The following RCAN2 variants were observed in gnomAD, a reference collection of about 807,000 sequenced individuals.
RCAN2 encodes the protein calcipressin-2.
A neutral mutation model predicts 23.6 loss-of-function variants in RCAN2; 9 were observed. That is an observed-to-expected ratio of 0.38 (90% CI 0.23 to 0.67). The LOEUF (loss-of-function observed/expected upper bound fraction) is 0.67. RCAN2 is among the 30% of genes least tolerant of loss of function. The probability of loss-of-function intolerance (pLI) is 0.51; values close to 1 mark genes in which losing one functional copy is unlikely to be tolerated. For synonymous variants in RCAN2, 109 were observed against 115.7 expected (o/e 0.94, Z 0.37); for missense variants, 273 against 302.3 (o/e 0.90, Z 0.72).
At chr6:46,380,627 G>A (rs983018387) in intron 2 of RCAN2, among the ~76,000 whole-genome samples, 1 of 152,126 alleles carries the variant, frequency 6.6e-6, no homozygotes, top group African/African-American at 2.4e-5. Flanking sequence ...ACCCACAGCA[G>A]GTTAAGAACC....
Position 46,297,261 on chromosome 6 carries a change from G to T in RCAN2, c.226-48365C>A, listed in dbSNP as rs147333403. On this transcript the variant is annotated intron_variant, in intron 2 of 4. Transcript: ENST00000371374. ...CTACAGACACTGATTGGCTCAGCAT[G>T]GGCTCTGCCAGGCCAGCGAGATGAG... 2.2e-4 allele frequency among the ~76,000 whole-genome samples: 34 copies of T among 152,260 alleles called. No individual in the cohort carries two copies. The East Asian group carries it at 6.6e-3, about 29-fold the overall frequency.
At chr6:46,230,001 G>C (rs562044649) in intron 4 of RCAN2, among the ~76,000 whole-genome samples, 7 of 152,334 alleles carry the variant, frequency 4.6e-5, no homozygotes, top group Non-Finnish European at 1.0e-4. Context: ...CTAACAGTCA[G>C]GACCCTCAGC....
intron 2 of RCAN2, among the ~76,000 whole-genome samples, chr6:46,280,051 G>T (rs187510453): frequency 1.6e-3 from 237 of 152,248 alleles, no homozygotes; most frequent in African/African-American, 5.5e-3. Flanking sequence ...CAAGTTAATG[G>T]TAGAACTAGG....
At chr6:46,454,683 C>A (rs1465619914) in intron 2 of RCAN2, among the ~76,000 whole-genome samples, 1 of 152,162 alleles carries the variant, frequency 6.6e-6, no homozygotes, top group African/African-American at 2.4e-5. Flanking sequence ...TAACTATATT[C>A]TTGTTTATTT....
intron 2 of RCAN2, among the ~76,000 whole-genome samples, chr6:46,291,941 A>G (rs1762574172): frequency 1.3e-5 from 2 of 152,210 alleles, no homozygotes; most frequent in Admixed American, 1.3e-4. Context: ...AGAGACATGA[A>G]TGTGCAGACA....
At chr6:46,365,772 C>T (rs1260871677) in intron 2 of RCAN2, among the ~76,000 whole-genome samples, 1 of 152,134 alleles carries the variant, frequency 6.6e-6, no homozygotes, top group Non-Finnish European at 1.5e-5. Context: ...AGGTATCTTG[C>T]TCTTAGCTAG....
intron 2 of RCAN2, among the ~76,000 whole-genome samples, chr6:46,416,352 G>T (rs1208656407): frequency 6.9e-6 from 1 of 145,366 alleles, no homozygotes; most frequent in Non-Finnish European, 1.5e-5. Context: ...AGAGTAAGAG[G>T]GTCAAAAGTG....
chr6:46,402,464 G>T (rs1041636061), intron 2 of RCAN2, among the ~76,000 whole-genome samples: 2 of 152,056 alleles, frequency 1.3e-5, no homozygotes, highest in Admixed American at 1.3e-4. Flanking sequence ...TCAGAAACCA[G>T]AACCCTTTTC....
At chr6:46,343,756 T>C (rs9395173) in intron 2 of RCAN2, among the ~76,000 whole-genome samples, 64,071 of 151,974 alleles carry the variant, frequency 0.42, 14,950 homozygotes, top group East Asian at 0.6. Context: ...AGGTATCTAC[T>C]GAAGAAAAAA....
chr6:46,223,334 G>C (rs1765542840), intron 4 of RCAN2, 33 bp from the exon 5 acceptor site: 3 of 1,595,692 alleles, frequency 1.9e-6, no homozygotes, highest in African/African-American at 2.7e-5. Flanking sequence ...GTGAGAAAGA[G>C]GGGGGGATTT....
chr6:46,255,572 C>T (rs1047222790), intron 2 of RCAN2, among the ~76,000 whole-genome samples: 2 of 152,038 alleles, frequency 1.3e-5, no homozygotes, highest in African/African-American at 4.8e-5. Context: ...CAACATGAGG[C>T]ACATGAATGG....
chr6:46,422,934 T>C (rs917367029), intron 2 of RCAN2, among the ~76,000 whole-genome samples: 1 of 152,192 alleles, frequency 6.6e-6, no homozygotes, highest in Non-Finnish European at 1.5e-5. Flanking sequence ...CAAGGAGTAA[T>C]GCTATGTCAA....
At chr6:46,330,870 T>A (rs1763945419) in intron 2 of RCAN2, among the ~76,000 whole-genome samples, 1 of 152,226 alleles carries the variant, frequency 6.6e-6, no homozygotes, top group Non-Finnish European at 1.5e-5. Context: ...ATTTTTCTGT[T>A]GCCTGTAGGT....
At chr6:46,377,881 G>A (rs550584227) in intron 2 of RCAN2, among the ~76,000 whole-genome samples, 2 of 152,028 alleles carry the variant, frequency 1.3e-5, no homozygotes, top group African/African-American at 2.4e-5. Flanking sequence ...TATGATATCC[G>A]CTCCATACCA....
intron 1 of RCAN2, among the ~76,000 whole-genome samples, chr6:46,469,014 T>C (rs1236265250): frequency 1.3e-5 from 2 of 152,236 alleles, no homozygotes; most frequent in Admixed American, 1.3e-4. Flanking sequence ...TATCCATTTA[T>C]TGAAGACGGT....
intron 2 of RCAN2, among the ~76,000 whole-genome samples, chr6:46,405,192 T>G (rs1766363236): frequency 2.0e-5 from 3 of 152,060 alleles, no homozygotes; most frequent in African/African-American, 7.2e-5. Context: ...TTCCTTCTGG[T>G]GGGTTTGTGG....
chr6:46,432,428 G>C (rs1035232083), intron 2 of RCAN2, among the ~76,000 whole-genome samples: 1 of 152,096 alleles, frequency 6.6e-6, no homozygotes, highest in Non-Finnish European at 1.5e-5. Context: ...GGCCAGGCTG[G>C]TCTCGAACTC....
chr6:46,379,625 G>T (rs1765568287), intron 2 of RCAN2, among the ~76,000 whole-genome samples: 1 of 152,062 alleles, frequency 6.6e-6, no homozygotes, highest in Admixed American at 6.6e-5. Flanking sequence ...TGATGTTTGG[G>T]GGATTTGAAC....
intron 2 of RCAN2, among the ~76,000 whole-genome samples, chr6:46,389,189 CA>C (rs1281191001): frequency 6.6e-6 from 1 of 152,036 alleles, no homozygotes; most frequent in African/African-American, 2.4e-5. Context: ...GTCTAGATTC[CA>C]TAGGAGAAAG....
Sources: gnomAD v4.1 joint callset for allele counts (sites outside exome capture counted in the v4.1 genomes callset) on GRCh38, gnomAD v4.1.1 for gene constraint, MANE v1.5 for transcripts, NCBI Gene and HGNC (gene_info 2026-07-23, HGNC 2026-07-21) for gene names.